Variants in SCN4A observed in about 807,000 individuals in gnomAD.
SCN4A encodes the protein sodium voltage-gated channel alpha subunit 4.
In SCN4A, 83 loss-of-function variants were observed where a neutral mutation model predicts 162.0. The observed-to-expected ratio is 0.51, with a 90% CI of 0.43 to 0.61. The LOEUF (loss-of-function observed/expected upper bound fraction) is 0.61. Ranked by LOEUF, SCN4A falls within the 20% of genes least tolerant of loss-of-function variation. SCN4A has a pLI of 0.00. For missense variants in SCN4A, 2,196 were observed against 2,462.5 expected, an observed-to-expected ratio of 0.89 and a Z score of 2.29; for synonymous variants, 944 against 985.1, an observed-to-expected ratio of 0.96 and a Z score of 0.78.
rs1597980227 is a variant in SCN4A, at chr17:63,961,345, G to C, written c.1693C>G (p.Leu565Val). ...AGGTGGATGATGTTCTTGAACTTCA[G>C]CCACGGGGCGCAGCAGTTCCATATG... The part of the protein sequence containing the change: ...VLIWNCCAPW[L>V]KFKNIIHLIV... Residue 565 changes from leucine (L) to valine (V), a missense_variant, in exon 11 of 24, where the codon CTG (leucine) becomes GTG (valine). Transcript: ENST00000435607. The C allele has an allele frequency of 1.9e-6, 3 of 1,613,860 alleles. No homozygotes were observed. Among genetic ancestry groups the C allele is most frequent in the Non-Finnish European group, 2.5e-6 (3 of 1,179,834 alleles).
At position 63,952,945 on chromosome 17, in the gene SCN4A, C is replaced by A. The variant is rs1364985313; in HGVS notation, c.2377-1045G>T. On this transcript the variant is annotated intron_variant, in intron 13 of 23. Coordinates refer to ENST00000435607, the MANE Select transcript of SCN4A (RefSeq NM_000334.4). ...GCTTTTGAAACCACATTGCAGGGCT[C>A]TGAACCCCAGTTTATTAGCTGTGTG... 2.0e-5 allele frequency among the ~76,000 whole-genome samples: 3 copies of A among 152,202 alleles called. No individual in the cohort carries two copies. In the East Asian group the frequency reaches 5.8e-4, roughly 29 times the overall value.
At chr17:63,949,053 AGGC>A (rs1328004702) in intron 15 of SCN4A, among the ~76,000 whole-genome samples, 1 of 147,764 alleles carries the variant, frequency 6.8e-6, no homozygotes, top group East Asian at 2.1e-4. Context: ...CACCTCGCCC[AGGC>A]GGTCTCCATC....
chr17:63,943,894 T>A (rs371944764), intron 21 of SCN4A, 44 bp from the exon 22 acceptor site: 2 of 1,326,272 alleles, frequency 1.5e-6, no homozygotes, highest in Admixed American at 1.7e-5. Context: ...CAGTTCCCCT[T>A]CCTGCCTCCA....
rs1445971918 is a variant in SCN4A, at chr17:63,938,980, G to C, written c.*1791C>G. ...CGAGAAACAGGAAGGGGAGGAGAGG[G>C]GAGTGAGAGAGAGGGCTGTTCAGGC... On this transcript the variant is annotated 3_prime_UTR_variant, in exon 24 of 24. Coordinates refer to ENST00000435607, the MANE Select transcript of SCN4A (RefSeq NM_000334.4). 6.5e-6 allele frequency: 1 copy of C among 153,484 alleles called. No individual in the cohort carries two copies. The highest frequency in any genetic ancestry group is 6.5e-5 in the Admixed American group (1 of 15,292). The allele number at this position is 153,484 out of a possible 1,614,324, so 9.5% of individuals were successfully genotyped here.
intron 18 of SCN4A, among the ~76,000 whole-genome samples, chr17:63,946,767 G>T (rs1250696891): frequency 2.0e-5 from 3 of 152,166 alleles, no homozygotes; most frequent in Non-Finnish European, 4.4e-5. Flanking sequence ...CCTCCTGGGT[G>T]CTTCTGCAGT....
chr17:63,948,223 A>G (rs1908791220), intron 16 of SCN4A, among the ~76,000 whole-genome samples, 160 bp from the exon 17 acceptor site: 1 of 152,082 alleles, frequency 6.6e-6, no homozygotes, highest in South Asian at 2.1e-4. Context: ...ACCACCCATC[A>G]TGGGGATGAG....
At chr17:63,947,019 A>G in intron 18 of SCN4A, 26 bp downstream of exon 18, 1 of 778,948 alleles carries the variant, frequency 1.3e-6, no homozygotes, top group Non-Finnish European at 2.0e-6. Flanking sequence ...TCCCCAGCCC[A>G]CCCCAGAGGC....
rs766046044 is a variant in SCN4A at position 63,964,533 on chromosome 17, C to T, written c.1387G>A (p.Glu463Lys). The change falls in exon 9 of 24, where the codon GAG becomes AAG. Residue 463 changes from glutamate (E) to lysine (K), a missense_variant. Transcript: ENST00000435607. ...ATCTGCTGAAACTCCTCCTCTTTCT[C>T]CTTATCCTCGGCCAGGGTGGCCTCA... ...QNEATLAEDK[E>K]KEEEFQQMLE... 6.2e-7 allele frequency: 1 copy of T among 1,614,064 alleles called. No individual in the cohort carries two copies. Among genetic ancestry groups the T allele is most frequent in the Non-Finnish European group, 8.5e-7 (1 of 1,179,904 alleles).
chr17:63,951,565 TG>T lies in SCN4A; in HGVS notation c.2711del (p.Pro904HisfsTer17), dbSNP rs1393518799. ...LNHMGLADGP[P>X]SSLELDHLNF... ...TAAGGTGGTCCAGCTCGAGGCTGGATGGGGGGCCGTCAGCCAGGCCCATGTG... is the reference window on the plus strand; with the variant it reads ...TAAGGTGGTCCAGCTCGAGGCTGGATGGGGGCCGTCAGCCAGGCCCATGTG... On this transcript the variant is annotated frameshift_variant, in exon 14 of 24. Transcript: ENST00000435607. LOFTEE classifies it high-confidence loss of function. This position sits in a 1 kb window ranked among gnomAD's most constrained non-coding sequence, Gnocchi z 4.5. 15 of 1,613,724 alleles carry T rather than the reference TG, an allele frequency of 9.3e-6. No homozygotes were observed. The highest frequency in any genetic ancestry group is 1.3e-5 in the Non-Finnish European group (15 of 1,179,824).
intron 18 of SCN4A, 125 bp downstream of exon 18, chr17:63,946,920 C>G: frequency 1.0e-6 from 1 of 956,988 alleles, no homozygotes; most frequent in East Asian, 2.7e-5. Context: ...CAGGCAGGGC[C>G]GTGGGTCCAA....
Position 63,949,505 on chromosome 17 carries a change from A to G in SCN4A, c.2877T>C (p.Asp959=). 1 of 1,611,088 alleles carries G rather than the reference A, an allele frequency of 6.2e-7. No homozygotes were observed. Among genetic ancestry groups the G allele is most frequent in the Non-Finnish European group, 8.5e-7 (1 of 1,177,876 alleles). Residue 959 remains aspartate (D), a synonymous_variant, in exon 15 of 24, where the codon GAT becomes GAC. Transcript: ENST00000435607. Reference sequence around the variant, plus strand: ...CTGTGCTGCAGACGGACGAGTTCCCATCATAGAGAGGCTGCGGCGGCTTCT... The same window carrying G: ...CTGTGCTGCAGACGGACGAGTTCCCGTCATAGAGAGGCTGCGGCGGCTTCT... The part of the protein sequence containing the change: ...DSKKPPQPLY[D]GNSSVCSTAD...
intron 15 of SCN4A, among the ~76,000 whole-genome samples, chr17:63,949,106 C>T (rs1211335321): frequency 6.6e-6 from 1 of 152,230 alleles, no homozygotes; most frequent in African/African-American, 2.4e-5. Context: ...GGACATTTCT[C>T]CAGTGCCATG....
intron 16 of SCN4A, 29 bp downstream of exon 16, chr17:63,948,582 C>G: frequency 6.2e-7 from 1 of 1,604,744 alleles, no homozygotes; most frequent in Non-Finnish European, 8.5e-7. Context: ...GGCCCCTGCC[C>G]CTGACCCGTG....
At chr17:63,959,169 G>T in intron 12 of SCN4A, 96 bp downstream of exon 12, 2 of 1,153,044 alleles carry the variant, frequency 1.7e-6, no homozygotes, top group Non-Finnish European at 2.5e-6. Flanking sequence ...CAGCCCTCTA[G>T]CTTCCTGGGG....
At position 63,951,073 on chromosome 17, in the gene SCN4A, C is replaced by T. The variant is rs1051356842; in HGVS notation, c.2853+351G>A. 2.0e-5 allele frequency among the ~76,000 whole-genome samples: 3 copies of T among 152,154 alleles called. No homozygotes were observed. Among genetic ancestry groups the T allele is most frequent in the African/African-American group, 4.8e-5 (2 of 41,434 alleles). ...CCCAGAGGAGAATATGTAAGAGAGG[C>T]CTCTCAGGTCCTGGTCCTGGAGCTG... On this transcript the variant is annotated intron_variant, in intron 14 of 23. Coordinates refer to ENST00000435607, the MANE Select transcript of SCN4A (RefSeq NM_000334.4). The surrounding 1 kb of genome is among the most constrained non-coding windows in gnomAD (Gnocchi z 4.5).
intron 23 of SCN4A, among the ~76,000 whole-genome samples, chr17:63,942,427 T>C (rs1908572419): frequency 6.6e-6 from 1 of 152,212 alleles, no homozygotes. Context: ...GATCATGACA[T>C]TGTTATGAAC....
At chr17:63,953,699 GAA>G (rs952597353) in intron 13 of SCN4A, among the ~76,000 whole-genome samples, 4 of 149,256 alleles carry the variant, frequency 2.7e-5, no homozygotes, top group African/African-American at 9.9e-5. Flanking sequence ...AAAAAAAAAA[GAA>G]AAAGAAAAAG....
Position 63,951,476 on chromosome 17 carries a change from T to A in SCN4A, c.2801A>T (p.Glu934Val). 1 of 1,610,766 alleles carries A rather than the reference T, an allele frequency of 6.2e-7. No individual in the cohort carries two copies. Among genetic ancestry groups the A allele is most frequent in the Middle Eastern group, 1.7e-4 (1 of 6,054 alleles). Residue 934 changes from glutamate (E) to valine (V), a missense_variant, in exon 14 of 24, where the codon GAG becomes GTG. Glu to Val is a moderately radical substitution (Grantham distance 121). Coordinates refer to ENST00000435607, the MANE Select transcript of SCN4A (RefSeq NM_000334.4). The surrounding 1 kb of genome is among the most constrained non-coding windows in gnomAD (Gnocchi z 4.5). The part of the protein sequence containing the change: ...VPIASEESDL[E>V]MPTEEETDTF... The stretch of plus-strand genomic sequence containing the variant: ...GTCGGTTTCCTCCTCGGTGGGCATC[T>A]CCAGGTCGGACTCCTCGGAGGCGAT...
chr17:63,951,923 G>A lies in SCN4A; in HGVS notation c.2377-23C>T. On this transcript the variant is annotated intron_variant, in intron 13 of 23. Transcript: ENST00000435607. This position sits in a 1 kb window ranked among gnomAD's most constrained non-coding sequence, Gnocchi z 4.5. ...GACCTGGGGCATGGGGTCAGGGGGA[G>A]CCTCACATCAGTCCCCGGGACCCAG... is the stretch of plus-strand genomic sequence containing the variant. 5 of 1,454,700 alleles carry A rather than the reference G, an allele frequency of 3.4e-6. No homozygotes were observed. The highest frequency in any genetic ancestry group is 1.9e-4 in the Middle Eastern group (1 of 5,316). 90.1% of individuals were successfully genotyped at this position (1,454,700 alleles called of 1,614,324 possible).
Sources: allele counts gnomAD v4.1 joint callset (sites outside exome capture counted in the v4.1 genomes callset), GRCh38; gene constraint gnomAD v4.1.1; non-coding constraint Gnocchi (gnomAD v3.1); transcripts MANE v1.5; gene names NCBI Gene and HGNC (gene_info 2026-07-23, HGNC 2026-07-21).